GSE1: variants seen among roughly 807,000 people sequenced by gnomAD.
GSE1 encodes genetic suppressor element 1.
GSE1 carries 32 observed loss-of-function variants against 112.6 expected under a neutral mutation model. That is an observed-to-expected ratio of 0.28 (90% confidence interval 0.21 to 0.38). The LOEUF (loss-of-function observed/expected upper bound fraction) is 0.38, where lower values mean the gene tolerates loss of function less well. Among genes scored for constraint, GSE1 ranks in the 10% least tolerant of loss-of-function variants. GSE1 has a pLI of 1.00. For synonymous variants in GSE1, 1,115 were observed against 735.6 expected, an observed-to-expected ratio of 1.52 and a Z score of -8.35; for missense variants, 2,348 against 1,699.2, an observed-to-expected ratio of 1.38 and a Z score of -6.71.
At chr16:85,514,976 C>T (rs2051878744) in intron 2 of GSE1, among the ~76,000 whole-genome samples, 1 of 152,062 alleles carries the variant, frequency 6.6e-6, no homozygotes, top group Non-Finnish European at 1.5e-5. Flanking sequence ...AGCGTGCATG[C>T]ATGTTTGTGT....
intron 2 of GSE1, among the ~76,000 whole-genome samples, chr16:85,428,512 T>A (rs2049044247): frequency 6.6e-6 from 1 of 152,224 alleles, no homozygotes; most frequent in Non-Finnish European, 1.5e-5. Context: ...GCTGAGGCAG[T>A]GACGTAGCGC....
chr16:85,529,572 G>A (rs913319873), intron 2 of GSE1, among the ~76,000 whole-genome samples: 7 of 152,294 alleles, frequency 4.6e-5, no homozygotes, highest in Middle Eastern at 6.8e-3. Flanking sequence ...GAGAGGGCAG[G>A]CACCCTCCTA....
chr16:85,548,263 GAAAGAAAT>G lies in GSE1; in HGVS notation c.2465-85649_2465-85642del, dbSNP rs1567577620. Among the ~76,000 whole-genome samples, 2 of 144,406 alleles carry G rather than the reference GAAAGAAAT, an allele frequency of 1.4e-5. 1 individual carries two copies. The highest frequency in any genetic ancestry group is 6.8e-3 in the Middle Eastern group (2 of 292). The allele number at this position is 144,406 out of a possible 152,430, so 94.7% of individuals were successfully genotyped here. A position where few individuals can be genotyped will look rare whatever the true frequency, so the allele number is the denominator to read the frequency against. On this transcript the variant is annotated intron_variant, in intron 2 of 2. Coordinates refer to the GSE1 transcript ENST00000637419. ...AAAAAAAAAGAAAGAAAGAAAGAAAGAAAGAAATATTCGAATTATTCTAGCTATTTTGA... is the reference window on the plus strand; with the variant it reads ...AAAAAAAAAGAAAGAAAGAAAGAAAGATTCGAATTATTCTAGCTATTTTGA...
intron 2 of GSE1, among the ~76,000 whole-genome samples, chr16:85,495,206 C>A (rs1478432354): frequency 6.6e-6 from 1 of 152,124 alleles, no homozygotes; most frequent in Admixed American, 6.5e-5. Context: ...AGGTTGGGGT[C>A]CCTGAAAATA....
intron 2 of GSE1, among the ~76,000 whole-genome samples, chr16:85,466,701 T>TAG (rs1457679056): frequency 7.6e-6 from 1 of 131,266 alleles, no homozygotes; most frequent in Non-Finnish European, 1.5e-5. Flanking sequence ...TATATATATA[T>TAG]AGAGAGAGAG....
chr16:85,182,161 C>T (rs976228119), intron 1 of GSE1, among the ~76,000 whole-genome samples: 3 of 152,100 alleles, frequency 2.0e-5, no homozygotes, highest in Non-Finnish European at 2.9e-5. Context: ...CCCCCACCCT[C>T]CCCGCCCCCC....
intron 1 of GSE1, among the ~76,000 whole-genome samples, chr16:85,233,827 C>T (rs1904331630): frequency 1.3e-5 from 2 of 152,176 alleles, no homozygotes; most frequent in African/African-American, 2.4e-5. Flanking sequence ...GCTGCCTGCT[C>T]AGCCCAAGTG....
At chr16:85,256,661 C>T (rs1318749120) in intron 1 of GSE1, among the ~76,000 whole-genome samples, 1 of 152,272 alleles carries the variant, frequency 6.6e-6, no homozygotes, top group Non-Finnish European at 1.5e-5. Context: ...TGAACACACC[C>T]ACCAGCTCAG....
At chr16:85,349,263 C>T (rs1055253976) in intron 1 of GSE1, among the ~76,000 whole-genome samples, 1 of 152,118 alleles carries the variant, frequency 6.6e-6, no homozygotes, top group African/African-American at 2.4e-5. Context: ...GTATTTGGAG[C>T]CTCTGCTTGC....
intron 1 of GSE1, among the ~76,000 whole-genome samples, chr16:85,271,967 C>G (rs1425665874): frequency 6.6e-6 from 1 of 152,212 alleles, no homozygotes; most frequent in Non-Finnish European, 1.5e-5. Flanking sequence ...CTGCAGGACG[C>G]CTTTCTGCAA....
intron 1 of GSE1, among the ~76,000 whole-genome samples, chr16:85,336,062 CAG>C (rs1318148280): frequency 1.3e-5 from 2 of 152,152 alleles, no homozygotes; most frequent in African/African-American, 2.4e-5. Flanking sequence ...TATGGAGGAA[CAG>C]GGCGTGGAGG....
intron 2 of GSE1, among the ~76,000 whole-genome samples, chr16:85,540,100 T>G (rs1429761110): frequency 6.6e-6 from 1 of 152,248 alleles, no homozygotes; most frequent in Admixed American, 6.5e-5. Flanking sequence ...TGGCTGCTGA[T>G]TCTCGACTGG....
intron 1 of GSE1, among the ~76,000 whole-genome samples, chr16:85,226,908 T>G (rs975949855): frequency 6.6e-6 from 1 of 152,134 alleles, no homozygotes; most frequent in East Asian, 1.9e-4. Flanking sequence ...GCTCTTCATC[T>G]GGCCCGAAAA....
chr16:85,496,901 TTG>T, intron 2 of GSE1, among the ~76,000 whole-genome samples: 1 of 31,706 alleles, frequency 3.2e-5, no homozygotes, highest in African/African-American at 1.4e-4. Context: ...TGGGTCTTTG[TTG>T]TTTTTTTTTT....
intron 1 of GSE1, among the ~76,000 whole-genome samples, chr16:85,304,189 A>T (rs759840976): frequency 7.3e-4 from 111 of 152,346 alleles, no homozygotes; most frequent in East Asian, 2.7e-3. Context: ...CCCCAGAGAC[A>T]TAGCCAGCCG....
chr16:85,190,349 A>G (rs1235313037), intron 1 of GSE1, among the ~76,000 whole-genome samples: 1 of 152,242 alleles, frequency 6.6e-6, no homozygotes, highest in Non-Finnish European at 1.5e-5. Flanking sequence ...GCTCTCTCAT[A>G]TATTAGTGGC....
In GSE1 at chr16:85,672,706, T is replaced by A; in HGVS notation, c.*167T>A. ...CCAGAAAAAATGAATGAACTCACCT[T>A]GACGTCAATGCAATTGAATCACCGT... is the stretch of plus-strand genomic sequence containing the variant. On this transcript the variant is annotated 3_prime_UTR_variant, in exon 16 of 16. Transcript: ENST00000253458. The A allele has an allele frequency of 2.2e-6, 1 of 454,940 alleles. No homozygotes were observed. The highest frequency in any genetic ancestry group is 3.3e-5 in the East Asian group (1 of 30,584). 28.2% of individuals were successfully genotyped at this position (454,940 alleles called of 1,614,324 possible).
intron 1 of GSE1, among the ~76,000 whole-genome samples, chr16:85,300,021 T>A (rs577395714): frequency 9.2e-5 from 14 of 152,160 alleles, no homozygotes; most frequent in African/African-American, 3.4e-4. Context: ...TGTTAGCTTT[T>A]TTTTTTTGAG....
intron 1 of GSE1, among the ~76,000 whole-genome samples, chr16:85,201,391 C>T (rs905976088): frequency 1.3e-5 from 2 of 149,296 alleles, no homozygotes; most frequent in Non-Finnish European, 3.0e-5. Flanking sequence ...GGCACGATGG[C>T]TCACTCCTGT....
Sources: gnomAD v4.1 joint callset for allele counts (sites outside exome capture counted in the v4.1 genomes callset) on GRCh38, gnomAD v4.1.1 for gene constraint, MANE v1.5 for transcripts, NCBI Gene and HGNC (gene_info 2026-07-23, HGNC 2026-07-21) for gene names.